FBXL20: variants seen among roughly 807,000 people sequenced by gnomAD.
FBXL20 encodes F-box and leucine rich repeat protein 20, also known as F-box/LRR-repeat protein 20.
FBXL20 carries 11 observed loss-of-function variants against 64.0 expected under a neutral mutation model. That is an observed-to-expected ratio of 0.17 (90% CI 0.11 to 0.28). The LOEUF (loss-of-function observed/expected upper bound fraction) is 0.28, where lower values mean the gene tolerates loss of function less well. FBXL20 is among the 10% of genes least tolerant of loss of function. The pLI is 1.00. For synonymous variants in FBXL20, 184 were observed against 189.0 expected, an observed-to-expected ratio of 0.97 and a Z score of 0.22; for missense variants, 303 against 526.2, an observed-to-expected ratio of 0.58 and a Z score of 4.15.
chr17:39,389,106 A>AAG (rs1350049895), intron 1 of FBXL20, among the ~76,000 whole-genome samples: 3 of 130,408 alleles, frequency 2.3e-5, no homozygotes, highest in Non-Finnish European at 4.6e-5. Context: ...CTCCATCTCA[A>AAG]AAAAAAAAAA....
At position 39,282,782 on chromosome 17, in the gene FBXL20, G is replaced by A; in HGVS notation, c.568C>T (p.Leu190=). 6.2e-7 allele frequency: 1 copy of A among 1,614,074 alleles called. No homozygotes were observed. Among genetic ancestry groups the A allele is most frequent in the South Asian group, 1.1e-5 (1 of 91,090 alleles). ...DQVTKDGIQA[L]VRGCGGLKAL... ...TTGAGACCCCCACAGCCCCTCACTA[G>A]TGCTTGAATGCCATCCTTGGTTACT... The change falls in exon 8 of 15, where the codon CTA becomes TTA. Residue 190 remains leucine (L), a synonymous_variant. Coordinates refer to ENST00000264658, the MANE Select transcript of FBXL20 (RefSeq NM_032875.3).
chr17:39,296,013 T>C (rs2047082403), intron 6 of FBXL20, among the ~76,000 whole-genome samples: 1 of 152,076 alleles, frequency 6.6e-6, no homozygotes, highest in Non-Finnish European at 1.5e-5. Context: ...TGCATATACA[T>C]ATTATGTTTT....
chr17:39,366,537 C>T (rs1232435853), intron 1 of FBXL20, among the ~76,000 whole-genome samples: 2 of 152,156 alleles, frequency 1.3e-5, no homozygotes, highest in Non-Finnish European at 2.9e-5. Context: ...TTTAAGGGAA[C>T]ATCTCACAGT....
intron 10 of FBXL20, among the ~76,000 whole-genome samples, chr17:39,271,775 A>G (rs1162079427): frequency 6.6e-6 from 1 of 152,130 alleles, no homozygotes; most frequent in Admixed American, 6.6e-5. Context: ...AGCAACTGTT[A>G]AACTCCAATC....
At chr17:39,304,847 T>C (rs971258397) in intron 2 of FBXL20, among the ~76,000 whole-genome samples, 1 of 152,094 alleles carries the variant, frequency 6.6e-6, no homozygotes, top group Non-Finnish European at 1.5e-5. Flanking sequence ...AGTGGCATGA[T>C]CTCGGTTCAA....
intron 13 of FBXL20, among the ~76,000 whole-genome samples, chr17:39,264,599 T>C (rs1427981277): frequency 6.6e-6 from 1 of 152,224 alleles, no homozygotes; most frequent in Non-Finnish European, 1.5e-5. Flanking sequence ...TGATTCTAAA[T>C]ATATTTTATA....
intron 1 of FBXL20, among the ~76,000 whole-genome samples, chr17:39,398,060 G>A (rs1382925968): frequency 1.6e-5 from 2 of 124,524 alleles, no homozygotes; most frequent in Admixed American, 7.8e-5. Flanking sequence ...GGGGGGGTTG[G>A]ATCACGAGGT....
At chr17:39,335,732 G>T (rs1450738593) in intron 2 of FBXL20, among the ~76,000 whole-genome samples, 2 of 152,140 alleles carry the variant, frequency 1.3e-5, no homozygotes, top group African/African-American at 4.8e-5. Flanking sequence ...TGCTCTAAGA[G>T]GGAGTACTGT....
intron 9 of FBXL20, among the ~76,000 whole-genome samples, chr17:39,278,984 T>G (rs989809649): frequency 9.3e-5 from 14 of 150,886 alleles, no homozygotes; most frequent in African/African-American, 3.4e-4. Flanking sequence ...CAAAACCCCA[T>G]CTCTACCAAA....
intron 1 of FBXL20, among the ~76,000 whole-genome samples, chr17:39,399,847 T>C (rs1002078524): frequency 6.6e-6 from 1 of 152,164 alleles, no homozygotes; most frequent in Non-Finnish European, 1.5e-5. Context: ...TTTCCAAAAA[T>C]TATTCAATCT....
chr17:39,365,191 G>C (rs1161033204), intron 1 of FBXL20, among the ~76,000 whole-genome samples: 2 of 152,000 alleles, frequency 1.3e-5, no homozygotes, highest in African/African-American at 4.8e-5. Context: ...TTTTAAATGT[G>C]TATTTTTCCT....
intron 1 of FBXL20, among the ~76,000 whole-genome samples, chr17:39,385,322 A>AACAC (rs3078787): frequency 0.28 from 42,381 of 151,226 alleles, 7,552 homozygotes; most frequent in African/African-American, 0.5. Flanking sequence ...GTCTCTAGAA[A>AACAC]ACACACACAC....
upstream of FBXL20, chr17:39,402,289 C>A: frequency 9.0e-7 from 1 of 1,108,450 alleles, no homozygotes; most frequent in South Asian, 4.5e-5. Flanking sequence ...CGGTTGCCGC[C>A]GCCGCCGCCT....
chr17:39,370,191 TA>T (rs147101583), intron 1 of FBXL20, among the ~76,000 whole-genome samples: 1,750 of 141,166 alleles, frequency 0.012, 17 homozygotes, highest in African/African-American at 0.035. Flanking sequence ...GAGGATGGTT[TA>T]AAAAAAAAAA....
At chr17:39,310,335 C>T (rs960293085) in intron 2 of FBXL20, among the ~76,000 whole-genome samples, 1 of 151,948 alleles carries the variant, frequency 6.6e-6, no homozygotes, top group Non-Finnish European at 1.5e-5. Flanking sequence ...CCTGAATTTG[C>T]ACATGCAATC....
chr17:39,378,395 A>C (rs911394874), intron 1 of FBXL20, among the ~76,000 whole-genome samples: 1 of 152,180 alleles, frequency 6.6e-6, no homozygotes. Context: ...GATTGAGCAT[A>C]GAAGTTTGAG....
intron 9 of FBXL20, among the ~76,000 whole-genome samples, chr17:39,279,430 T>TG (rs2046928806): frequency 1.3e-5 from 2 of 151,070 alleles, no homozygotes; most frequent in East Asian, 2.0e-4. Context: ...GCCCTGTAGT[T>TG]GGAGGTTGCT....
At chr17:39,328,296 C>T (rs1291326906) in intron 2 of FBXL20, among the ~76,000 whole-genome samples, 1 of 134,394 alleles carries the variant, frequency 7.4e-6, no homozygotes, top group Non-Finnish European at 1.6e-5. Flanking sequence ...TTATAAATAC[C>T]ATTCTCTACT....
At chr17:39,320,757 G>C (rs117636903) in intron 2 of FBXL20, among the ~76,000 whole-genome samples, 1 of 151,996 alleles carries the variant, frequency 6.6e-6, no homozygotes, top group East Asian at 1.9e-4. Flanking sequence ...ACCATATCTG[G>C]CTAATTTTTG....
Sources: gnomAD v4.1 joint callset for allele counts (sites outside exome capture counted in the v4.1 genomes callset) on GRCh38, gnomAD v4.1.1 for gene constraint, MANE v1.5 for transcripts, NCBI Gene and HGNC (gene_info 2026-07-23, HGNC 2026-07-21) for gene names.